GGPS1: variants seen among roughly 807,000 people sequenced by gnomAD.
The protein encoded by GGPS1 is geranylgeranyl pyrophosphate synthase.
Under a neutral mutation model 28.1 loss-of-function variants are expected in GGPS1, and 15 were observed. That is an observed-to-expected ratio of 0.53 (90% confidence interval 0.36 to 0.82). The LOEUF (loss-of-function observed/expected upper bound fraction) is 0.82, where lower values mean the gene tolerates loss of function less well. GGPS1 is among the 40% of genes least tolerant of loss of function. GGPS1 has a pLI of 0.01. For synonymous variants in GGPS1, 138 were observed against 122.4 expected (o/e 1.13, Z -0.84); for missense variants, 284 against 348.3 (o/e 0.82, Z 1.47).
Position 235,335,349 on chromosome 1 carries a change from A to G in GGPS1, c.70+15A>G, listed in dbSNP as rs1449573226. The G allele has an allele frequency of 2.4e-6, 3 of 1,240,104 alleles. No individual in the cohort carries two copies. In the South Asian group the frequency reaches 3.7e-5, roughly 15 times the overall value. 76.8% of individuals were successfully genotyped at this position (1,240,104 alleles called of 1,614,324 possible). On this transcript the variant is annotated intron_variant, in intron 2 of 3. Coordinates refer to ENST00000282841, the MANE Select transcript of GGPS1 (RefSeq NM_004837.4). ...TCAGTTACCAGGTAATACTTCACTT[A>G]CAGTCCATATAGGGTCATTTTCATG... is the stretch of plus-strand genomic sequence containing the variant.
chr1:235,339,635 C>G (rs1675970436), intron 2 of GGPS1, among the ~76,000 whole-genome samples: 1 of 151,866 alleles, frequency 6.6e-6, no homozygotes, highest in African/African-American at 2.4e-5. Context: ...TGGCAGGTGC[C>G]TGTAATCCCA....
In GGPS1 at chr1:235,342,971, G is replaced by A; in HGVS notation, c.*199G>A. ...AAATTCAAAGTTGAAAGAATCAAAA[G>A]CAGCCACAGTTATGTAGGTCTGATT... On this transcript the variant is annotated 3_prime_UTR_variant, in exon 4 of 4. Coordinates refer to ENST00000282841, the MANE Select transcript of GGPS1 (RefSeq NM_004837.4). 4.7e-6 allele frequency: 2 copies of A among 428,086 alleles called. No individual in the cohort carries two copies. The highest frequency in any genetic ancestry group is 7.5e-5 in the East Asian group (2 of 26,630). 26.5% of individuals were successfully genotyped at this position (428,086 alleles called of 1,614,324 possible). A position where few individuals can be genotyped will look rare whatever the true frequency, so the allele number is the denominator to read the frequency against.
intron 2 of GGPS1, 60 bp downstream of exon 2, chr1:235,335,394 G>A (rs922131779): frequency 2.6e-6 from 2 of 772,154 alleles, no homozygotes; most frequent in Non-Finnish European, 4.4e-6. Flanking sequence ...TCGTTCAAAT[G>A]TTAGCAAATA....
At chr1:235,328,886 C>G (rs974851806) in intron 1 of GGPS1, 108 bp downstream of exon 1, 6 of 152,270 alleles carry the variant, frequency 3.9e-5, no homozygotes, top group African/African-American at 1.4e-4. Context: ...GACCCGGATG[C>G]TGAACCGGAT....
Position 235,339,876 on chromosome 1 carries a change from T to C in GGPS1, c.71-1832T>C, listed in dbSNP as rs140568502. ...ATGCATTCATTTAGCAGAAAACTTA[T>C]AGAACATTTTTACTAAGTGAACTGG... On this transcript the variant is annotated intron_variant, in intron 2 of 3. Coordinates refer to ENST00000282841, the MANE Select transcript of GGPS1 (RefSeq NM_004837.4). Among the ~76,000 whole-genome samples the C allele has an allele frequency of 6.4e-4, 98 of 152,294 alleles. 2 individuals carry two copies. Among genetic ancestry groups the C allele is most frequent in the African/African-American group, 1.8e-3 (76 of 41,564 alleles).
At position 235,328,601 on chromosome 1, in the gene GGPS1, C is replaced by G. The variant is rs1340204608; in HGVS notation, c.-201C>G. On this transcript the variant is annotated 5_prime_UTR_variant, in exon 1 of 4. Coordinates refer to ENST00000282841, the MANE Select transcript of GGPS1 (RefSeq NM_004837.4). ...ACCGGGATGGCGCATTTTCTTGCAC[C>G]AACTAATGCGGTGTCGCTGGCGGCT... 2 of 153,034 alleles carry G rather than the reference C, an allele frequency of 1.3e-5. No individual in the cohort carries two copies. Among genetic ancestry groups the G allele is most frequent in the African/African-American group, 4.8e-5 (2 of 41,446 alleles). The allele number at this position is 153,034 out of a possible 1,614,324, so 9.5% of individuals were successfully genotyped here.
chr1:235,341,083 A>G (rs921721068), intron 2 of GGPS1, among the ~76,000 whole-genome samples: 2 of 152,140 alleles, frequency 1.3e-5, no homozygotes, highest in African/African-American at 2.4e-5. Flanking sequence ...TAATCCAAAC[A>G]CTTTGGGAGG....
intron 1 of GGPS1, among the ~76,000 whole-genome samples, chr1:235,333,337 C>T (rs1473168608): frequency 2.0e-5 from 3 of 151,794 alleles, no homozygotes; most frequent in Admixed American, 6.6e-5. Context: ...GAGGCTGAGG[C>T]GGGTGGATCG....
Position 235,340,755 on chromosome 1 carries a change from AAAAC to A in GGPS1, c.71-950_71-947del, listed in dbSNP as rs1422541711. On this transcript the variant is annotated intron_variant, in intron 2 of 3. Transcript: ENST00000282841. ...CGTCTCAAAAAAAAAAAAAAAAAAA[AAAAC>A]AAGAAAGAAAAAAAGAAGATACTGA... 4.0e-5 allele frequency among the ~76,000 whole-genome samples: 6 copies of A among 150,180 alleles called. No homozygotes were observed. In the East Asian group the frequency reaches 5.8e-4, roughly 15 times the overall value.
At chr1:235,330,461 G>A (rs925235215) in intron 1 of GGPS1, 1 of 152,268 alleles carries the variant, frequency 6.6e-6, no homozygotes, top group Non-Finnish European at 1.5e-5. Flanking sequence ...CTCCAGCCTG[G>A]GCGACAGAGT....
At chr1:235,339,800 T>C (rs751165369) in intron 2 of GGPS1, among the ~76,000 whole-genome samples, 4 of 152,164 alleles carry the variant, frequency 2.6e-5, no homozygotes, top group Non-Finnish European at 5.9e-5. Context: ...GTTTTAACTT[T>C]TTATGTAACC....
At chr1:235,332,075 A>C (rs1426910389) in intron 1 of GGPS1, among the ~76,000 whole-genome samples, 1 of 152,168 alleles carries the variant, frequency 6.6e-6, no homozygotes, top group African/African-American at 2.4e-5. Flanking sequence ...TTATTTGTTT[A>C]TTCTTACTTG....
Position 235,342,682 on chromosome 1 carries a change from C to A in GGPS1, c.813C>A (p.Ala271=), listed in dbSNP as rs772724249. The change falls in exon 4 of 4, where the codon GCC becomes GCA. Residue 271 remains alanine (A), a synonymous_variant. Transcript: ENST00000282841. ...CCCTTAAAGAGCTTGAAGCTAAAGC[C>A]TATAAACAGATTGATGCACGTGGTG... ...RNTLKELEAK[A]YKQIDARGGN... 5 of 1,609,382 alleles carry A rather than the reference C, an allele frequency of 3.1e-6. No homozygotes were observed. In the South Asian group the frequency reaches 5.5e-5, roughly 18 times the overall value.
At chr1:235,341,877 A>G (rs1220485036) in intron 3 of GGPS1, 99 bp downstream of exon 3, 19 of 878,462 alleles carry the variant, frequency 2.2e-5, no homozygotes, top group Non-Finnish European at 3.5e-5. Context: ...CATGCAAGAT[A>G]TTATTTTATA....
At chr1:235,337,074 CAGTAT>C (rs1157635899) in intron 2 of GGPS1, 1 of 169,998 alleles carries the variant, frequency 5.9e-6, no homozygotes, top group African/African-American at 2.4e-5. Flanking sequence ...TAACTTATTT[CAGTAT>C]CTCCCAGTGA....
chr1:235,332,157 AG>A (rs1217639680), intron 1 of GGPS1, among the ~76,000 whole-genome samples: 6 of 152,182 alleles, frequency 3.9e-5, no homozygotes, highest in African/African-American at 1.4e-4. Flanking sequence ...CAGGACTTTT[AG>A]GGGGTCCATC....
intron 2 of GGPS1, among the ~76,000 whole-genome samples, chr1:235,337,513 T>C (rs1173035184): frequency 1.3e-5 from 2 of 152,294 alleles, no homozygotes; most frequent in East Asian, 3.9e-4. Flanking sequence ...ACACACTTAT[T>C]TTTTTACAGA....
chr1:235,327,230 T>G, upstream of GGPS1: 2 of 282,578 alleles, frequency 7.1e-6, no homozygotes, highest in Non-Finnish European at 1.4e-5. Flanking sequence ...ATGACGCCAT[T>G]TCTGTCAGAG....
intron 2 of GGPS1, 133 bp downstream of exon 2, chr1:235,335,467 G>A: frequency 3.8e-6 from 2 of 519,822 alleles, no homozygotes; most frequent in Non-Finnish European, 6.8e-6. Flanking sequence ...TGAGAAAAAT[G>A]ATAAATAGAA....
Sources: allele counts gnomAD v4.1 joint callset (sites outside exome capture counted in the v4.1 genomes callset), GRCh38; gene constraint gnomAD v4.1.1; transcripts MANE v1.5; gene names NCBI Gene and HGNC (gene_info 2026-07-23, HGNC 2026-07-21).